The following GLS variants were observed in gnomAD, a reference collection of about 807,000 sequenced individuals.
GLS encodes glutaminase.
In GLS, 36 loss-of-function variants were observed where a neutral mutation model predicts 86.7. The ratio of observed to expected loss-of-function variants is 0.42; its 90% CI spans 0.32 to 0.55. GLS has a LOEUF of 0.55. Ranked by LOEUF, GLS falls within the 20% of genes least tolerant of loss-of-function variation. The pLI, the probability that GLS is intolerant of heterozygous loss-of-function variation, is 0.17. For synonymous variants in GLS, 317 were observed against 305.9 expected, an observed-to-expected ratio of 1.04 and a Z score of -0.38; for missense variants, 528 against 833.4, an observed-to-expected ratio of 0.63 and a Z score of 4.51.
At position 190,905,113 on chromosome 2, in the gene GLS, G is replaced by T. The variant is rs1689087368; in HGVS notation, c.925G>T (p.Val309Phe). 2 of 1,606,356 alleles carry T rather than the reference G, an allele frequency of 1.2e-6. No individual in the cohort carries two copies. The highest frequency in any genetic ancestry group is 1.1e-5 in the South Asian group (1 of 90,898). ...TGGAACTGAATATGTGCATCGATAT[G>T]TTGGAAAAGAGCCGAGTGGACTAAG... is the stretch of plus-strand genomic sequence containing the variant. ...DLGTEYVHRYVGKEPSGLRFN... is the reference protein window; with the variant it reads ...DLGTEYVHRYFGKEPSGLRFN... The change falls in exon 6 of 18, where the codon GTT becomes TTT. Residue 309 changes from valine to phenylalanine, a missense_variant. This residue lies in a region of GLS where 163 missense variants were observed against 429.2 expected (regional missense o/e 0.38). Coordinates refer to ENST00000320717, the MANE Select transcript of GLS (RefSeq NM_014905.5). This position sits in a 1 kb window ranked among gnomAD's most constrained non-coding sequence, Gnocchi z 4.6.
At chr2:190,899,216 T>G (rs1035776590) in intron 3 of GLS, among the ~76,000 whole-genome samples, 5 of 152,286 alleles carry the variant, frequency 3.3e-5, no homozygotes, top group Middle Eastern at 6.8e-3. Context: ...GTAATACTTT[T>G]GAGATTAATA....
In GLS at chr2:190,963,871, C is replaced by G. The variant is rs903350127; in HGVS notation, c.*885C>G. 1 of 151,470 alleles carries G rather than the reference C, an allele frequency of 6.6e-6. No homozygotes were observed. Among genetic ancestry groups the G allele is most frequent in the African/African-American group, 2.4e-5 (1 of 41,312 alleles). 9.4% of individuals were successfully genotyped at this position (151,470 alleles called of 1,614,324 possible). A position where few individuals can be genotyped will look rare whatever the true frequency, so the allele number is the denominator to read the frequency against. ...TAGTCAAGTTTATCAGTCTAAAAAA[C>G]GAAGGGATGTGCAACTGCAGCTCTT... On this transcript the variant is annotated 3_prime_UTR_variant, in exon 18 of 18. Coordinates refer to ENST00000320717, the MANE Select transcript of GLS (RefSeq NM_014905.5).
intron 14 of GLS, among the ~76,000 whole-genome samples, chr2:190,941,520 A>G (rs1690429994): frequency 6.8e-6 from 1 of 147,450 alleles, no homozygotes; most frequent in South Asian, 2.3e-4. Context: ...AGCAAATATA[A>G]TGATAATGAT....
chr2:190,924,366 T>TA lies in GLS; in HGVS notation c.1198-176dup, dbSNP rs80108282. ...TCAGTTAAACTAGTATCTAGAAACT[T>TA]ACATGATGTGATAAAATTTTGCTTT... is the stretch of plus-strand genomic sequence containing the variant. On this transcript the variant is annotated intron_variant, in intron 10 of 17. Transcript: ENST00000320717. This position sits in a 1 kb window ranked among gnomAD's most constrained non-coding sequence, Gnocchi z 5.2. Among the ~76,000 whole-genome samples the TA allele has an allele frequency of 5.7e-3, 872 of 152,336 alleles. 20 individuals are homozygous for TA. Among genetic ancestry groups the TA allele is most frequent in the East Asian group, 0.052 (272 of 5,184 alleles).
chr2:190,934,944 T>C, intron 14 of GLS: 5 of 969,576 alleles, frequency 5.2e-6, no homozygotes, highest in Non-Finnish European at 6.1e-6. Flanking sequence ...CATATTTTGA[T>C]TCTTTCAGTA....
intron 1 of GLS, among the ~76,000 whole-genome samples, chr2:190,891,669 CTT>C (rs1559316144): frequency 6.6e-6 from 1 of 151,998 alleles, no homozygotes; most frequent in Non-Finnish European, 1.5e-5. Context: ...GACAGTTCCT[CTT>C]TTCATGTTGC....
chr2:190,935,784 A>G lies in GLS; in HGVS notation c.1650+4147A>G, dbSNP rs1183068898. 6.6e-6 allele frequency among the ~76,000 whole-genome samples: 1 copy of G among 151,304 alleles called. No individual in the cohort carries two copies. The highest frequency in any genetic ancestry group is 1.5e-5 in the Non-Finnish European group (1 of 67,318). On this transcript the variant is annotated intron_variant, in intron 14 of 17. Transcript: ENST00000320717. The surrounding 1 kb of genome is among the most constrained non-coding windows in gnomAD (Gnocchi z 4.2). ...AAAACTGTTAATCTCAGTAGAATTT[A>G]TATTAAACAGAATGACAGTGATACA... is the stretch of plus-strand genomic sequence containing the variant.
chr2:190,928,923 CTTGTT>C (rs140157285), intron 12 of GLS, among the ~76,000 whole-genome samples: 20,932 of 66,046 alleles, frequency 0.32, 2,247 homozygotes, highest in East Asian at 0.52. Flanking sequence ...TTTTGGTCTG[CTTGTT>C]TTGTTTAGTT....
chr2:190,946,902 T>TC (rs1314108691), intron 14 of GLS, among the ~76,000 whole-genome samples: 1 of 152,232 alleles, frequency 6.6e-6, no homozygotes, highest in Non-Finnish European at 1.5e-5. Context: ...TGAGTTCTAC[T>TC]CAAGCTCCAT....
At chr2:190,945,985 C>CTA (rs1690568738) in intron 14 of GLS, among the ~76,000 whole-genome samples, 1 of 152,082 alleles carries the variant, frequency 6.6e-6, no homozygotes, top group Non-Finnish European at 1.5e-5. Flanking sequence ...TTAGTTTTGT[C>CTA]TATATATAGT....
chr2:190,933,912 CT>C, intron 14 of GLS: 3 of 918,040 alleles, frequency 3.3e-6, no homozygotes, highest in Non-Finnish European at 3.9e-6. Context: ...GATCTAAATC[CT>C]TTTATTTGGT....
chr2:190,904,295 T>TG (rs1689054469), intron 5 of GLS, among the ~76,000 whole-genome samples: 1 of 152,056 alleles, frequency 6.6e-6, no homozygotes, highest in Non-Finnish European at 1.5e-5. Context: ...AGCTCTGAGT[T>TG]GAAAAAAAGG....
chr2:190,960,722 T>C (rs887880151), intron 17 of GLS, among the ~76,000 whole-genome samples: 1 of 152,136 alleles, frequency 6.6e-6, no homozygotes, highest in African/African-American at 2.4e-5. Context: ...GGTTCAGCTG[T>C]TAGCTTGCAA....
At chr2:190,946,056 C>G (rs530731296) in intron 14 of GLS, among the ~76,000 whole-genome samples, 8 of 152,148 alleles carry the variant, frequency 5.3e-5, no homozygotes, top group African/African-American at 1.9e-4. Flanking sequence ...GCCTCATACT[C>G]AGACTGTCTA....
rs970498062 is a variant in GLS, at chr2:190,920,859, GA to G, written c.1039-158del. The G allele has an allele frequency of 8.7e-5, 46 of 529,808 alleles. No individual in the cohort carries two copies. Among genetic ancestry groups the G allele is most frequent in the South Asian group, 1.5e-4 (5 of 33,386 alleles). The allele number at this position is 529,808 out of a possible 1,614,324, so 32.8% of individuals were successfully genotyped here. A position where few individuals can be genotyped will look rare whatever the true frequency, so the allele number is the denominator to read the frequency against. On this transcript the variant is annotated intron_variant, in intron 7 of 17. Coordinates refer to ENST00000320717, the MANE Select transcript of GLS (RefSeq NM_014905.5). The surrounding 1 kb of genome is among the most constrained non-coding windows in gnomAD (Gnocchi z 4.2). ...TCAACATATGGGTATTAAATAACATGAAAAAAAGTTTATATAAATGTTAAAT... is the reference window on the plus strand; with the variant it reads ...TCAACATATGGGTATTAAATAACATGAAAAAAGTTTATATAAATGTTAAAT...
intron 3 of GLS, among the ~76,000 whole-genome samples, chr2:190,898,898 G>GAT (rs1239555886): frequency 6.6e-6 from 1 of 152,226 alleles, no homozygotes. Context: ...AAAGTGCTGG[G>GAT]ATTATAGGCG....
At chr2:190,882,827 A>G (rs777144694) in intron 1 of GLS, among the ~76,000 whole-genome samples, 14 of 152,220 alleles carry the variant, frequency 9.2e-5, no homozygotes, top group Non-Finnish European at 1.5e-4. Flanking sequence ...TTCAAGTTCT[A>G]AAAAGCTATA....
chr2:190,932,246 A>G (rs549340656), intron 14 of GLS, among the ~76,000 whole-genome samples: 17 of 152,036 alleles, frequency 1.1e-4, no homozygotes, highest in African/African-American at 3.6e-4. Context: ...TATTGTACAC[A>G]TATATTCCTT....
intron 12 of GLS, among the ~76,000 whole-genome samples, chr2:190,928,892 G>GTTTTTTT (rs367999647): frequency 6.2e-4 from 8 of 12,824 alleles, no homozygotes; most frequent in Admixed American, 1.3e-3. Flanking sequence ...ATTCAGGTGT[G>GTTTTTTT]TTTTTTTTTT....
Sources: allele counts gnomAD v4.1 joint callset (sites outside exome capture counted in the v4.1 genomes callset), GRCh38; gene constraint gnomAD v4.1.1; regional missense constraint gnomAD v4.1.1; non-coding constraint Gnocchi (gnomAD v3.1); transcripts MANE v1.5; gene names NCBI Gene and HGNC (gene_info 2026-07-23, HGNC 2026-07-21).